LY75: variants seen among roughly 807,000 people sequenced by gnomAD.
The protein encoded by LY75 is lymphocyte antigen 75.
Under a neutral mutation model 231.7 loss-of-function variants are expected in LY75, and 185 were observed. The ratio of observed to expected loss-of-function variants is 0.80; its 90% CI spans 0.71 to 0.90. The LOEUF (loss-of-function observed/expected upper bound fraction) is 0.90. LY75 is among the 40% of genes least tolerant of loss of function. The pLI is 0.00. For synonymous variants in LY75, 668 were observed against 689.0 expected, an observed-to-expected ratio of 0.97 and a Z score of 0.48; for missense variants, 1,947 against 2,050.2, an observed-to-expected ratio of 0.95 and a Z score of 0.97.
intron 15 of LY75, among the ~76,000 whole-genome samples, chr2:159,859,431 C>T (rs909807551): frequency 2.0e-5 from 3 of 152,188 alleles, no homozygotes; most frequent in Non-Finnish European, 4.4e-5. Context: ...CCATCTTCAT[C>T]TTTTTTCACT....
chr2:159,864,791 A>C (rs767380744), intron 14 of LY75, 48 bp downstream of exon 14: 2 of 1,469,282 alleles, frequency 1.4e-6, no homozygotes, highest in Non-Finnish European at 1.8e-6. Context: ...TTGTTATTGA[A>C]ACAAACAGTG....
rs185625755 is a variant in LY75 at position 159,860,672 on chromosome 2, T to G, written c.2268+149A>C. 2.8e-4 allele frequency: 230 copies of G among 818,820 alleles called. No individual in the cohort carries two copies. The African/African-American group carries it at 3.2e-3, about 12-fold the overall frequency. The allele number at this position is 818,820 out of a possible 1,614,324, so 50.7% of individuals were successfully genotyped here. Reference sequence around the variant, plus strand: ...CTCTCAAATGAAGTGTAAGTTAGGCTGCTGAGGGCCAGGCCATGGGTGTGC... The same window carrying G: ...CTCTCAAATGAAGTGTAAGTTAGGCGGCTGAGGGCCAGGCCATGGGTGTGC... On this transcript the variant is annotated intron_variant, in intron 15 of 34. Coordinates refer to ENST00000263636, the MANE Select transcript of LY75 (RefSeq NM_002349.4).
intron 1 of LY75, 22 bp from the exon 2 acceptor site, chr2:159,899,081 A>G (rs1232740118): frequency 1.9e-6 from 3 of 1,601,126 alleles, no homozygotes; most frequent in East Asian, 4.5e-5. Context: ...GGACAGACAG[A>G]TTGTAGATTA....
intron 23 of LY75, among the ~76,000 whole-genome samples, chr2:159,845,476 C>T (rs1199716677): frequency 6.6e-6 from 1 of 151,500 alleles, no homozygotes; most frequent in African/African-American, 2.4e-5. Flanking sequence ...CATATCAATA[C>T]AGTCAGCCCT....
chr2:159,819,517 A>G (rs1381221211), intron 29 of LY75, among the ~76,000 whole-genome samples: 1 of 152,154 alleles, frequency 6.6e-6, no homozygotes, highest in Non-Finnish European at 1.5e-5. Context: ...AAGGAATTTA[A>G]TGCTGTCTCC....
intron 22 of LY75, 98 bp from the exon 23 acceptor site, chr2:159,850,238 C>T (rs1383806048): frequency 3.3e-6 from 5 of 1,505,118 alleles, no homozygotes; most frequent in South Asian, 1.3e-5. Context: ...TCAACATAGT[C>T]TTTTATCTGT....
intron 15 of LY75, among the ~76,000 whole-genome samples, chr2:159,858,679 T>C (rs534127488): frequency 5.9e-5 from 9 of 152,318 alleles, no homozygotes; most frequent in Middle Eastern, 3.4e-3. Flanking sequence ...AAAGGAAATA[T>C]GTTGTAAAGT....
intron 3 of LY75, among the ~76,000 whole-genome samples, chr2:159,892,601 T>C (rs1048032720): frequency 9.2e-5 from 14 of 152,180 alleles, no homozygotes; most frequent in African/African-American, 3.4e-4. Flanking sequence ...GCTCTTTCCT[T>C]TCTCTTTGCT....
chr2:159,830,769 A>G (rs1434548171), intron 28 of LY75, among the ~76,000 whole-genome samples: 1 of 152,032 alleles, frequency 6.6e-6, no homozygotes, highest in Non-Finnish European at 1.5e-5. Context: ...TTTAGTAGAG[A>G]CAGGGTTTCA....
intron 27 of LY75, among the ~76,000 whole-genome samples, chr2:159,833,379 A>C (rs944525260): frequency 6.6e-6 from 1 of 152,168 alleles, no homozygotes; most frequent in Admixed American, 6.6e-5. Context: ...AGCCTTCCAA[A>C]GAACTAGGAT....
chr2:159,808,318 C>T (rs535104931), intron 33 of LY75, 131 bp downstream of exon 33: 841 of 1,490,410 alleles, frequency 5.6e-4, no homozygotes, highest in Middle Eastern at 1.4e-3. Context: ...GAACAGCCAG[C>T]GACCTAGCTT....
intron 3 of LY75, among the ~76,000 whole-genome samples, chr2:159,890,934 T>C (rs1489270479): frequency 6.6e-6 from 1 of 152,218 alleles, no homozygotes; most frequent in East Asian, 1.9e-4. Context: ...GCATTATATA[T>C]GTATTTGTGT....
intron 28 of LY75, among the ~76,000 whole-genome samples, chr2:159,827,680 T>A (rs1434829944): frequency 6.6e-6 from 1 of 152,140 alleles, no homozygotes; most frequent in East Asian, 1.9e-4. Flanking sequence ...GTGGCACTAT[T>A]CCAATAGCAA....
At chr2:159,902,992 A>G (rs1274345853) in intron 1 of LY75, 3 of 152,276 alleles carry the variant, frequency 2.0e-5, no homozygotes, top group African/African-American at 4.8e-5. Context: ...CACCAGCATC[A>G]TGAAGCGGAC....
chr2:159,856,880 A>G (rs1365981025), intron 16 of LY75, among the ~76,000 whole-genome samples: 1 of 152,090 alleles, frequency 6.6e-6, no homozygotes, highest in Non-Finnish European at 1.5e-5. Context: ...GCCCTTGTTT[A>G]AACTCTGGGG....
chr2:159,806,911 A>T (rs1021684842), intron 34 of LY75, 62 bp downstream of exon 34: 2 of 1,528,450 alleles, frequency 1.3e-6, no homozygotes, highest in Middle Eastern at 1.8e-4. Flanking sequence ...ACATAATTGG[A>T]TTGTACATTT....
At chr2:159,810,132 C>T (rs911489106) in intron 32 of LY75, among the ~76,000 whole-genome samples, 1 of 152,132 alleles carries the variant, frequency 6.6e-6, no homozygotes, top group African/African-American at 2.4e-5. Flanking sequence ...CTCCTGGGTT[C>T]AAGCGATTCT....
intron 28 of LY75, among the ~76,000 whole-genome samples, chr2:159,824,155 A>G (rs1472431782): frequency 6.6e-6 from 1 of 152,226 alleles, no homozygotes; most frequent in African/African-American, 2.4e-5. Context: ...ACGACTGGCA[A>G]ATTGGATAAA....
chr2:159,831,901 A>G (rs1683673680), intron 27 of LY75, 115 bp from the exon 28 acceptor site: 2 of 783,788 alleles, frequency 2.6e-6, no homozygotes, highest in African/African-American at 3.6e-5. Context: ...TATAAACAAT[A>G]TTGGACAATT....
Sources: allele counts gnomAD v4.1 joint callset (sites outside exome capture counted in the v4.1 genomes callset), GRCh38; gene constraint gnomAD v4.1.1; transcripts MANE v1.5; gene names NCBI Gene and HGNC (gene_info 2026-07-23, HGNC 2026-07-21).